Variants in QTGAL observed in about 807,000 individuals in gnomAD.
The protein encoded by QTGAL is queuosine-tRNA galactosyltransferase.
At chr17:83,015,890 A>G in the QTGAL span, among the ~76,000 whole-genome samples, 1 of 152,228 alleles carries the variant, frequency 6.6e-6, no homozygotes. The surrounding 1 kb of genome is among the most constrained non-coding windows in gnomAD (Gnocchi z 4.4). Context: ...CTGTGAAAAC[A>G]TTGTCTTCCA....
chr17:83,010,159 G>A, the QTGAL span, among the ~76,000 whole-genome samples: 10 of 151,924 alleles, frequency 6.6e-5, no homozygotes, highest in African/African-American at 2.4e-4. Context: ...GGGGTGCCTG[G>A]GGAGCTCGTT....
At chr17:83,016,772 G>A in the QTGAL span, among the ~76,000 whole-genome samples, 1 of 151,270 alleles carries the variant, frequency 6.6e-6, no homozygotes, top group Non-Finnish European at 1.5e-5. Flanking sequence ...GAGATGGAAG[G>A]AGGGAGGAGG....
the QTGAL span, among the ~76,000 whole-genome samples, chr17:83,029,615 G>C: frequency 1.5e-4 from 23 of 152,122 alleles, no homozygotes; most frequent in African/African-American, 5.3e-4. Context: ...AAGTCAGGCT[G>C]GGGGGAGCCG....
the QTGAL span, among the ~76,000 whole-genome samples, chr17:82,979,097 C>G: frequency 6.6e-6 from 1 of 151,606 alleles, no homozygotes; most frequent in African/African-American, 2.4e-5. Context: ...AATGACACCC[C>G]AAAGCAAGCA....
the QTGAL span, among the ~76,000 whole-genome samples, chr17:82,959,930 C>T: frequency 1.3e-5 from 2 of 152,270 alleles, no homozygotes; most frequent in Non-Finnish European, 2.9e-5. Context: ...CTCCCCAGGG[C>T]GCCCTATGCC....
the QTGAL span, among the ~76,000 whole-genome samples, chr17:82,967,630 C>A: frequency 1.3e-5 from 2 of 152,090 alleles, no homozygotes; most frequent in Non-Finnish European, 2.9e-5. Flanking sequence ...CCATTGCACC[C>A]TCTAGGACTG....
the QTGAL span, among the ~76,000 whole-genome samples, chr17:82,962,922 T>C: frequency 2.0e-5 from 3 of 152,042 alleles, no homozygotes; most frequent in African/African-American, 7.2e-5. Context: ...CCTCCCCTGA[T>C]TGCTGCTGCT....
At chr17:82,943,653 T>A in the QTGAL span, 1 of 152,218 alleles carries the variant, frequency 6.6e-6, no homozygotes, top group Non-Finnish European at 1.5e-5. Flanking sequence ...CAGTCCGTGC[T>A]GTGTGTTTAG....
chr17:83,011,891 G>A, the QTGAL span, among the ~76,000 whole-genome samples: 2 of 151,836 alleles, frequency 1.3e-5, no homozygotes, highest in South Asian at 2.1e-4. Context: ...CACACGCCAC[G>A]AACTCCTGGT....
the QTGAL span, chr17:83,005,138 T>C: frequency 6.2e-7 from 1 of 1,608,884 alleles, no homozygotes; most frequent in Non-Finnish European, 8.5e-7. The surrounding 1 kb of genome is among the most constrained non-coding windows in gnomAD (Gnocchi z 5.6). Flanking sequence ...TGCTCCGGCG[T>C]CAGCTGGTTG....
the QTGAL span, chr17:82,949,780 A>C: frequency 6.6e-6 from 1 of 152,194 alleles, no homozygotes; most frequent in South Asian, 2.1e-4. Context: ...TCGATGGGAT[A>C]TTTGGAATTC....
chr17:83,051,471 G>A, the QTGAL span, among the ~76,000 whole-genome samples: 1 of 152,306 alleles, frequency 6.6e-6, no homozygotes, highest in African/African-American at 2.4e-5. Flanking sequence ...CGGTGAGGAG[G>A]CCACGCTCGC....
chr17:83,051,328 G>A, the QTGAL span, among the ~76,000 whole-genome samples: 3 of 151,912 alleles, frequency 2.0e-5, no homozygotes, highest in Non-Finnish European at 4.4e-5. Context: ...GTGCGGGCGC[G>A]GGGAAGGAGC....
chr17:82,998,206 A>G, the QTGAL span, among the ~76,000 whole-genome samples: 13 of 152,120 alleles, frequency 8.5e-5, no homozygotes, highest in African/African-American at 3.1e-4. Context: ...CTGCATGCCT[A>G]TATGCAAATA....
At chr17:83,048,719 G>C in the QTGAL span, 17 of 1,614,148 alleles carry the variant, frequency 1.1e-5, no homozygotes, top group Non-Finnish European at 1.4e-5. Flanking sequence ...TCAAAGTCCT[G>C]TTGCAAAACA....
the QTGAL span, among the ~76,000 whole-genome samples, chr17:82,972,756 A>ACTACT: frequency 1.2e-5 from 1 of 86,728 alleles, no homozygotes; most frequent in African/African-American, 6.3e-5. Context: ...AGAAGGACCC[A>ACTACT]GTACTGACCA....
the QTGAL span, among the ~76,000 whole-genome samples, chr17:83,025,095 CAAAT>C: frequency 6.6e-6 from 1 of 152,184 alleles, no homozygotes; most frequent in African/African-American, 2.4e-5. Flanking sequence ...AATGATAACT[CAAAT>C]AAAACAGAAA....
the QTGAL span, among the ~76,000 whole-genome samples, chr17:83,038,000 G>A: frequency 6.6e-6 from 1 of 152,108 alleles, no homozygotes; most frequent in Admixed American, 6.5e-5. This position sits in a 1 kb window ranked among gnomAD's most constrained non-coding sequence, Gnocchi z 5.2. Context: ...CCTTCCTCCT[G>A]GAGAGAAGAG....
At chr17:82,977,179 C>A in the QTGAL span, among the ~76,000 whole-genome samples, 1 of 152,366 alleles carries the variant, frequency 6.6e-6, no homozygotes, top group South Asian at 2.1e-4. Context: ...AAGGAAAGAT[C>A]GAGGACACCC....
Sources: gnomAD v4.1 joint callset for allele counts (sites outside exome capture counted in the v4.1 genomes callset) on GRCh38, gnomAD v4.1.1 for gene constraint, Gnocchi (gnomAD v3.1) non-coding constraint, MANE v1.5 for transcripts, NCBI Gene and HGNC (gene_info 2026-07-23, HGNC 2026-07-21) for gene names.